The following CNTNAP5 variants were observed in gnomAD, a reference collection of about 807,000 sequenced individuals.
CNTNAP5 encodes contactin-associated protein-like 5.
In CNTNAP5, 72 loss-of-function variants were observed where a neutral mutation model predicts 150.2. The ratio of observed to expected loss-of-function variants is 0.48; its 90% confidence interval spans 0.40 to 0.58. The LOEUF is 0.58. Among genes scored for constraint, CNTNAP5 ranks in the 20% least tolerant of loss-of-function variants. The pLI is 0.00. For synonymous variants in CNTNAP5, 672 were observed against 619.8 expected (o/e 1.08, Z -1.25); for missense variants, 1,636 against 1,626.2 (o/e 1.01, Z -0.10).
intron 3 of CNTNAP5, among the ~76,000 whole-genome samples, chr2:124,408,241 G>A (rs1490008849): frequency 1.1e-4 from 16 of 152,116 alleles, no homozygotes; most frequent in African/African-American, 3.9e-4. Flanking sequence ...CTACGCCCAC[G>A]GAGTCTCGCT....
At chr2:124,173,319 T>C (rs767279734) in intron 1 of CNTNAP5, among the ~76,000 whole-genome samples, 73 of 152,318 alleles carry the variant, frequency 4.8e-4, no homozygotes, top group Admixed American at 1.0e-3. Context: ...TCTCTCACTT[T>C]AAGTCAAAGC....
chr2:124,589,160 G>T (rs1357827037), intron 11 of CNTNAP5, among the ~76,000 whole-genome samples: 1 of 152,046 alleles, frequency 6.6e-6, no homozygotes, highest in Non-Finnish European at 1.5e-5. Flanking sequence ...GCCCCAAAAA[G>T]TGACCCCATA....
intron 13 of CNTNAP5, among the ~76,000 whole-genome samples, chr2:124,690,722 G>A (rs913966374): frequency 1.3e-5 from 2 of 151,858 alleles, no homozygotes; most frequent in African/African-American, 4.8e-5. Flanking sequence ...CCCCATGTCT[G>A]GTACATCACT....
chr2:124,218,624 T>G lies in CNTNAP5; in HGVS notation c.83-3081T>G, dbSNP rs1686223421. The stretch of plus-strand genomic sequence containing the variant: ...ATTTCCAAAGTGGAACAACTGTCCC[T>G]GGAAACTGAGATACAAGGCAGACAT... On this transcript the variant is annotated intron_variant, in intron 1 of 23. Transcript: ENST00000682447. 2.6e-5 allele frequency among the ~76,000 whole-genome samples: 4 copies of G among 152,094 alleles called. No homozygotes were observed. In the South Asian group the frequency reaches 8.3e-4, roughly 32 times the overall value.
chr2:124,565,200 A>G (rs1379420915), intron 11 of CNTNAP5, among the ~76,000 whole-genome samples: 1 of 152,228 alleles, frequency 6.6e-6, no homozygotes, highest in African/African-American at 2.4e-5. Flanking sequence ...CCACTAGTCC[A>G]CTGGTCATCA....
chr2:124,808,204 T>A (rs1177070998), intron 19 of CNTNAP5, among the ~76,000 whole-genome samples: 1 of 152,200 alleles, frequency 6.6e-6, no homozygotes, highest in Non-Finnish European at 1.5e-5. Context: ...CCCAGGATTT[T>A]TTATTTTTTG....
chr2:124,437,194 G>A (rs1307184770), intron 5 of CNTNAP5, among the ~76,000 whole-genome samples: 1 of 152,166 alleles, frequency 6.6e-6, no homozygotes, highest in African/African-American at 2.4e-5. Context: ...GAGGCAGATT[G>A]AGTACATTAG....
At position 124,025,463 on chromosome 2, in the gene CNTNAP5, T is replaced by C. The variant is rs2104614464; in HGVS notation, c.-188T>C. The C allele has an allele frequency of 1.6e-6, 1 of 608,432 alleles. No individual in the cohort carries two copies. Among genetic ancestry groups the C allele is most frequent in the Non-Finnish European group, 3.0e-6 (1 of 338,662 alleles). The allele number at this position is 608,432 out of a possible 1,614,324, so 37.7% of individuals were successfully genotyped here. On this transcript the variant is annotated 5_prime_UTR_variant, in exon 1 of 24. Coordinates refer to ENST00000682447, the MANE Select transcript of CNTNAP5 (RefSeq NM_001367498.1). ...CGGGGACCGTAGCCCCAGCTGCAGC[T>C]CCGAAGAATCCCCCGCCACGGTTTC...
At chr2:124,545,614 C>T (rs1419947465) in intron 10 of CNTNAP5, among the ~76,000 whole-genome samples, 2 of 152,106 alleles carry the variant, frequency 1.3e-5, no homozygotes, top group East Asian at 1.9e-4. Flanking sequence ...ATCGTGGTGA[C>T]TGTGGTCCTG....
intron 5 of CNTNAP5, among the ~76,000 whole-genome samples, chr2:124,435,592 G>A (rs946029117): frequency 2.0e-5 from 3 of 152,170 alleles, no homozygotes; most frequent in African/African-American, 7.2e-5. Context: ...ATTAAAGGGA[G>A]AGGAAAATAG....
chr2:124,430,158 G>A (rs1030585464), intron 4 of CNTNAP5, among the ~76,000 whole-genome samples: 27 of 152,066 alleles, frequency 1.8e-4, no homozygotes, highest in African/African-American at 6.5e-4. Flanking sequence ...AGGGCCAGGT[G>A]GGAACCGACA....
intron 15 of CNTNAP5, 22 bp downstream of exon 15, chr2:124,763,821 GC>G (rs1681010767): frequency 6.2e-7 from 1 of 1,612,344 alleles, no homozygotes; most frequent in Non-Finnish European, 8.5e-7. Context: ...ATCGAAAGAA[GC>G]TTTCTCTCTG....
At chr2:124,317,222 A>G (rs1331055505) in intron 3 of CNTNAP5, among the ~76,000 whole-genome samples, 4 of 152,172 alleles carry the variant, frequency 2.6e-5, no homozygotes, top group African/African-American at 4.8e-5. Flanking sequence ...TTGACAACCC[A>G]ATGAATTAAT....
intron 19 of CNTNAP5, among the ~76,000 whole-genome samples, chr2:124,818,123 G>C (rs1054233586): frequency 2.6e-5 from 4 of 152,112 alleles, no homozygotes; most frequent in Non-Finnish European, 5.9e-5. Flanking sequence ...GAAGCTGAGG[G>C]ATATGTGCAC....
intron 3 of CNTNAP5, among the ~76,000 whole-genome samples, chr2:124,245,836 T>C (rs1458683963): frequency 6.6e-6 from 1 of 151,904 alleles, no homozygotes; most frequent in African/African-American, 2.4e-5. Flanking sequence ...GCTCAAGTAA[T>C]CCTCCCACTT....
At chr2:124,137,375 A>G (rs1015030248) in intron 1 of CNTNAP5, among the ~76,000 whole-genome samples, 2 of 152,212 alleles carry the variant, frequency 1.3e-5, no homozygotes, top group Non-Finnish European at 2.9e-5. Context: ...AGGAAATACA[A>G]GGAAAAAAAT....
intron 1 of CNTNAP5, among the ~76,000 whole-genome samples, chr2:124,100,347 A>G (rs1231614638): frequency 6.6e-6 from 1 of 152,180 alleles, no homozygotes; most frequent in Non-Finnish European, 1.5e-5. Context: ...ACAATTCAAC[A>G]TGGCATTTGG....
At chr2:124,092,041 T>C (rs1177005918) in intron 1 of CNTNAP5, among the ~76,000 whole-genome samples, 2 of 152,198 alleles carry the variant, frequency 1.3e-5, no homozygotes, top group African/African-American at 2.4e-5. Context: ...TCCACACCAC[T>C]TCTGGTGGCC....
intron 13 of CNTNAP5, among the ~76,000 whole-genome samples, chr2:124,717,663 C>T (rs1490827427): frequency 1.3e-5 from 2 of 152,128 alleles, no homozygotes; most frequent in African/African-American, 2.4e-5. Context: ...GATTCTGTTG[C>T]TGCTGGTATG....
Sources: allele counts gnomAD v4.1 joint callset (sites outside exome capture counted in the v4.1 genomes callset), GRCh38; gene constraint gnomAD v4.1.1; transcripts MANE v1.5; gene names NCBI Gene and HGNC (gene_info 2026-07-23, HGNC 2026-07-21).